TSC1: variants seen among roughly 807,000 people sequenced by gnomAD.
TSC1 encodes hamartin.
In TSC1, 20 loss-of-function variants were observed where a neutral mutation model predicts 124.3. The observed-to-expected ratio is 0.16, with a 90% CI of 0.11 to 0.23. The LOEUF is 0.23. TSC1 is among the 10% of genes least tolerant of loss of function. The probability of loss-of-function intolerance (pLI) is 1.00; values close to 1 mark genes in which losing one functional copy is unlikely to be tolerated. For missense variants in TSC1, 1,124 were observed against 1,448.5 expected (o/e 0.78, Z 3.64); for synonymous variants, 493 against 539.1 (o/e 0.91, Z 1.19).
In TSC1 at chr9:132,897,187, T is replaced by C; in HGVS notation, c.2972A>G (p.Glu991Gly). 6.2e-7 allele frequency: 1 copy of C among 1,614,176 alleles called. No homozygotes were observed. Among genetic ancestry groups the C allele is most frequent in the Non-Finnish European group, 8.5e-7 (1 of 1,180,044 alleles). The change falls in exon 22 of 23, where the codon GAA becomes GGA. Residue 991 changes from glutamate (E) to glycine (G), a missense_variant. By Grantham distance (98) the Glu-to-Gly change is moderately conservative. This residue lies in a region of TSC1 where 325 missense variants were observed against 383.4 expected (regional missense o/e 0.85). Transcript: ENST00000298552. The part of the protein sequence containing the change: ...EKAEAAEAAE[E>G]RLDCCNDGCS... ...TGAATCAGTTCTTTGTTCCTACCTT[T>C]CTTCTGCTGCTTCAGCTGCTTCTGC...
intron 2 of TSC1, among the ~76,000 whole-genome samples, chr9:132,933,618 A>G (rs2132368361): frequency 6.6e-6 from 1 of 152,286 alleles, no homozygotes; most frequent in Middle Eastern, 3.4e-3. Context: ...AATGTTACCA[A>G]TGACGCTGTG....
intron 3 of TSC1, among the ~76,000 whole-genome samples, chr9:132,928,007 C>A (rs1340629372): frequency 6.6e-6 from 1 of 152,100 alleles, no homozygotes; most frequent in Non-Finnish European, 1.5e-5. Flanking sequence ...CTTGTATAAC[C>A]ACACGCACAC....
intron 8 of TSC1, among the ~76,000 whole-genome samples, chr9:132,920,005 A>G (rs1038028584): frequency 2.0e-5 from 3 of 152,226 alleles, no homozygotes; most frequent in Non-Finnish European, 4.4e-5. Flanking sequence ...TGAGAGCTGA[A>G]AGCAGGCGCA....
chr9:132,925,984 C>A, intron 4 of TSC1: 1 of 525,382 alleles, frequency 1.9e-6, no homozygotes, highest in Non-Finnish European at 3.4e-6. Flanking sequence ...TACACGCATG[C>A]AGAAAGGGGG....
At position 132,904,406 on chromosome 9, in the gene TSC1, T is replaced by A; in HGVS notation, c.2041+5A>T. On this transcript the variant is annotated splice_donor_5th_base_variant and intron_variant, in intron 16 of 22. Coordinates refer to ENST00000298552, the MANE Select transcript of TSC1 (RefSeq NM_000368.5). Reference sequence around the variant, plus strand: ...CTGGATTTGGAGCTAAAGTAACAACTTTACCTCCAAAGTGGGTCCAGTCGA... The same window carrying A: ...CTGGATTTGGAGCTAAAGTAACAACATTACCTCCAAAGTGGGTCCAGTCGA... The A allele has an allele frequency of 6.2e-7, 1 of 1,613,902 alleles. No homozygotes were observed. Among genetic ancestry groups the A allele is most frequent in the Non-Finnish European group, 8.5e-7 (1 of 1,179,942 alleles).
At chr9:132,944,646 G>A, upstream of TSC1, 1 of 398,756 alleles carries the variant, frequency 2.5e-6, no homozygotes, top group Non-Finnish European at 4.4e-6. Flanking sequence ...AAGGGCCAAG[G>A]CCGACGGCGG....
rs751182565 is a variant in TSC1 at position 132,910,562 on chromosome 9, G to GGAT, written c.1263+6_1263+8dup. 25 of 1,613,908 alleles carry GGAT rather than the reference G, an allele frequency of 1.5e-5. No individual in the cohort carries two copies. The highest frequency in any genetic ancestry group is 2.1e-5 in the Non-Finnish European group (25 of 1,180,048). The stretch of plus-strand genomic sequence containing the variant: ...TGGGCAGAGGGATAGCAGACGAGCT[G>GGAT]GATCGCACCTTCCTGGGGGGTGTGA... On this transcript the variant is annotated intron_variant, in intron 12 of 22. Coordinates refer to ENST00000298552, the MANE Select transcript of TSC1 (RefSeq NM_000368.5).
At position 132,910,566 on chromosome 9, in the gene TSC1, C is replaced by A. The variant is rs767745683; in HGVS notation, c.1263+5G>T. On this transcript the variant is annotated splice_donor_5th_base_variant and intron_variant, in intron 12 of 22. Transcript: ENST00000298552. ...CAGAGGGATAGCAGACGAGCTGGAT[C>A]GCACCTTCCTGGGGGGTGTGACTGT... is the stretch of plus-strand genomic sequence containing the variant. The A allele has an allele frequency of 6.2e-7, 1 of 1,614,002 alleles. No homozygotes were observed. The highest frequency in any genetic ancestry group is 8.5e-7 in the Non-Finnish European group (1 of 1,180,042).
At chr9:132,918,662 C>A (rs190370097) in intron 8 of TSC1, among the ~76,000 whole-genome samples, 47 of 152,154 alleles carry the variant, frequency 3.1e-4, no homozygotes, top group South Asian at 8.3e-4. Context: ...TCTTTCCCCC[C>A]AGAGGTAGTC....
At chr9:132,929,161 C>A (rs567845706) in intron 2 of TSC1, among the ~76,000 whole-genome samples, 4 of 152,178 alleles carry the variant, frequency 2.6e-5, no homozygotes, top group Non-Finnish European at 5.9e-5. Flanking sequence ...AGGGTTTCTA[C>A]AAAATATAAC....
chr9:132,939,595 C>T (rs978569932), intron 1 of TSC1, among the ~76,000 whole-genome samples: 2 of 152,198 alleles, frequency 1.3e-5, no homozygotes, highest in African/African-American at 4.8e-5. Context: ...ATAATGCTTA[C>T]GTTTTGACTT....
chr9:132,938,452 A>G (rs560780150), intron 1 of TSC1, among the ~76,000 whole-genome samples: 1 of 152,370 alleles, frequency 6.6e-6, no homozygotes, highest in Admixed American at 6.5e-5. Context: ...CTTCACTTCT[A>G]TAAGCAATCT....
At position 132,893,995 on chromosome 9, in the gene TSC1, C is replaced by T. The variant is rs1365369633; in HGVS notation, c.*2240G>A. 4.3e-6 allele frequency: 1 copy of T among 233,376 alleles called. No homozygotes were observed. Among genetic ancestry groups the T allele is most frequent in the African/African-American group, 2.2e-5 (1 of 45,328 alleles). The allele number at this position is 233,376 out of a possible 1,614,324, so 14.5% of individuals were successfully genotyped here. On this transcript the variant is annotated 3_prime_UTR_variant, in exon 23 of 23. Transcript: ENST00000298552. Reference sequence around the variant, plus strand: ...TAGGTTGGGCACCTTCAACATGACTCCAGGTCTCATTCTCCCAACCGTAGT... The same window carrying T: ...TAGGTTGGGCACCTTCAACATGACTTCAGGTCTCATTCTCCCAACCGTAGT...
At chr9:132,929,672 C>A (rs961554658) in intron 2 of TSC1, among the ~76,000 whole-genome samples, 7 of 152,204 alleles carry the variant, frequency 4.6e-5, no homozygotes, top group Non-Finnish European at 8.8e-5. Flanking sequence ...ATTTCTCCCC[C>A]ACTTTGATCT....
intron 16 of TSC1, 51 bp downstream of exon 16, chr9:132,904,360 A>G (rs762373387): frequency 1.9e-6 from 3 of 1,606,512 alleles, no homozygotes; most frequent in Non-Finnish European, 8.5e-7. Context: ...AAGGGCAACA[A>G]GCAAGCAGGA....
chr9:132,941,858 T>C (rs1847753787), intron 1 of TSC1: 1 of 152,140 alleles, frequency 6.6e-6, no homozygotes, highest in Admixed American at 6.6e-5. Flanking sequence ...ATCACAGAAA[T>C]GTAGGCCTAG....
rs201437567 is a variant in TSC1, at chr9:132,923,912, T to TAA, written c.364-422_364-421dup. Among the ~76,000 whole-genome samples, 18 of 141,012 alleles carry TAA rather than the reference T, an allele frequency of 1.3e-4. No individual in the cohort carries two copies. Among genetic ancestry groups the TAA allele is most frequent in the African/African-American group, 1.3e-4 (5 of 38,728 alleles). 92.5% of individuals were successfully genotyped at this position (141,012 alleles called of 152,430 possible). On this transcript the variant is annotated intron_variant, in intron 5 of 22. Transcript: ENST00000298552. This position sits in a 1 kb window ranked among gnomAD's most constrained non-coding sequence, Gnocchi z 4.2. ...CCTAAGATACTTACTTTTTGTTAAT[T>TAA]AAAAAAAAAAAAAACTGCACATTGA...
intron 4 of TSC1, 32 bp from the exon 5 acceptor site, chr9:132,925,771 A>G (rs746163544): frequency 4.3e-6 from 7 of 1,613,698 alleles, no homozygotes; most frequent in Non-Finnish European, 5.1e-6. Flanking sequence ...GGCAGTCCTC[A>G]CATGAATGTA....
At chr9:132,929,670 C>T (rs1341354800) in intron 2 of TSC1, among the ~76,000 whole-genome samples, 1 of 152,194 alleles carries the variant, frequency 6.6e-6, no homozygotes, top group African/African-American at 2.4e-5. Context: ...CGATTTCTCC[C>T]CCACTTTGAT....
Sources: allele counts gnomAD v4.1 joint callset (sites outside exome capture counted in the v4.1 genomes callset), GRCh38; gene constraint gnomAD v4.1.1; regional missense constraint gnomAD v4.1.1; non-coding constraint Gnocchi (gnomAD v3.1); transcripts MANE v1.5; gene names NCBI Gene and HGNC (gene_info 2026-07-23, HGNC 2026-07-21).